Variants in ATG7 observed in about 807,000 individuals in gnomAD.
The protein encoded by ATG7 is autophagy related 7.
ATG7 carries 70 observed loss-of-function variants against 82.4 expected under a neutral mutation model. That is an observed-to-expected ratio of 0.85 (90% CI 0.70 to 1.04). The LOEUF is 1.04. Among genes scored for constraint, ATG7 ranks in the 50% least tolerant of loss-of-function variants. The pLI is 0.00. For synonymous variants in ATG7, 287 were observed against 313.0 expected (o/e 0.92, Z 0.88); for missense variants, 792 against 864.3 (o/e 0.92, Z 1.05).
At position 11,347,898 on chromosome 3, in the gene ATG7, A is replaced by G; in HGVS notation, c.1147A>G (p.Thr383Ala). ...TLMGWGVRHI[T>A]FVDNAKISYS... ...ACAGGGTTGGGGCGTGAGACACATC[A>G]CATTTGTGGACAATGCCAAGATCTC... The change falls in exon 14 of 21, where the codon ACA (threonine) becomes GCA (alanine). Residue 383 changes from threonine (T) to alanine (A), a missense_variant. By Grantham distance (58) the Thr-to-Ala change is moderately conservative. Coordinates refer to ENST00000693202, the MANE Select transcript of ATG7 (RefSeq NM_001349232.2). 1.2e-6 allele frequency: 2 copies of G among 1,614,080 alleles called. No individual in the cohort carries two copies. Among genetic ancestry groups the G allele is most frequent in the South Asian group, 1.1e-5 (1 of 91,064 alleles).
At chr3:11,310,702 G>A (rs895280746) in intron 7 of ATG7, among the ~76,000 whole-genome samples, 10 of 150,658 alleles carry the variant, frequency 6.6e-5, no homozygotes, top group South Asian at 2.1e-4. Context: ...GTGCGATGTC[G>A]GCTCACTGCA....
At chr3:11,407,231 C>G (rs1365763582) in intron 19 of ATG7, among the ~76,000 whole-genome samples, 1 of 152,204 alleles carries the variant, frequency 6.6e-6, no homozygotes, top group Non-Finnish European at 1.5e-5. Context: ...GCAGTCAAAT[C>G]TTAAAGCTCC....
intron 20 of ATG7, among the ~76,000 whole-genome samples, chr3:11,434,012 T>C (rs1490661356): frequency 6.6e-6 from 1 of 152,344 alleles, no homozygotes; most frequent in South Asian, 2.1e-4. Flanking sequence ...ATTTCTCTCA[T>C]AGCCAAAAAG....
chr3:11,503,429 C>T (rs926042475), intron 20 of ATG7, among the ~76,000 whole-genome samples: 6 of 152,042 alleles, frequency 3.9e-5, no homozygotes, highest in Non-Finnish European at 7.4e-5. Context: ...GAAAGAGGTA[C>T]TACATTCATG....
the ATG7 span, among the ~76,000 whole-genome samples, chr3:11,572,839 G>A: frequency 4.2e-4 from 64 of 152,028 alleles, no homozygotes; most frequent in East Asian, 5.2e-3. Context: ...TTTATGGACC[G>A]GCGCCTGGGC....
At chr3:11,401,569 G>A (rs182628590) in intron 19 of ATG7, among the ~76,000 whole-genome samples, 7 of 152,310 alleles carry the variant, frequency 4.6e-5, no homozygotes, top group Admixed American at 3.9e-4. Context: ...TCCACTTCAT[G>A]CTCAGCTTTT....
At chr3:11,561,133 C>T (rs986915321), downstream of ATG7, among the ~76,000 whole-genome samples, 13 of 146,920 alleles carry the variant, frequency 8.8e-5, no homozygotes, top group Admixed American at 1.3e-4. Context: ...AGACCCCCCC[C>T]CAGGGTCCTC....
chr3:11,537,315 T>C (rs920541930), intron 20 of ATG7, among the ~76,000 whole-genome samples: 4 of 152,198 alleles, frequency 2.6e-5, no homozygotes, highest in Admixed American at 1.3e-4. Flanking sequence ...ACCCCATTTT[T>C]TTCCTATATT....
chr3:11,551,212 C>T (rs1478590413), intron 20 of ATG7, among the ~76,000 whole-genome samples: 3 of 152,234 alleles, frequency 2.0e-5, no homozygotes, highest in Admixed American at 2.0e-4. Context: ...CTCTCCTCCT[C>T]GGGGGTTTCA....
chr3:11,393,828 A>T (rs1031678238), intron 19 of ATG7, among the ~76,000 whole-genome samples: 13 of 152,086 alleles, frequency 8.5e-5, no homozygotes, highest in Non-Finnish European at 1.5e-5. Context: ...ATACTGGTGC[A>T]TGCCACCACA....
intron 20 of ATG7, among the ~76,000 whole-genome samples, chr3:11,483,125 A>G (rs2089209789): frequency 6.6e-6 from 1 of 152,148 alleles, no homozygotes; most frequent in African/African-American, 2.4e-5. Flanking sequence ...AGTAGTGGTA[A>G]ATTTAGAAAT....
intron 19 of ATG7, among the ~76,000 whole-genome samples, chr3:11,386,902 C>G (rs193019584): frequency 2.0e-4 from 30 of 152,364 alleles, no homozygotes; most frequent in African/African-American, 6.0e-4. Flanking sequence ...AGCTACAAGC[C>G]TTAACCTCAG....
chr3:11,560,661 C>G (rs550130214), downstream of ATG7, among the ~76,000 whole-genome samples: 1 of 152,266 alleles, frequency 6.6e-6, no homozygotes, highest in East Asian at 1.9e-4. Context: ...GTGCTTGGGT[C>G]TAACAAGAAG....
At chr3:11,333,586 T>C (rs1261888284) in intron 11 of ATG7, among the ~76,000 whole-genome samples, 1 of 151,982 alleles carries the variant, frequency 6.6e-6, no homozygotes, top group Non-Finnish European at 1.5e-5. Context: ...ATTTTATAAA[T>C]TGAGAAACTT....
intron 19 of ATG7, among the ~76,000 whole-genome samples, chr3:11,394,178 A>G (rs939019097): frequency 6.6e-6 from 1 of 152,228 alleles, no homozygotes; most frequent in Non-Finnish European, 1.5e-5. Flanking sequence ...GTTACTACCA[A>G]GAAGAGCTAT....
chr3:11,298,735 C>T lies in ATG7; in HGVS notation c.40C>T (p.Gln14Ter). The change falls in exon 4 of 21, where the codon CAG becomes TAG. Residue 14 changes from glutamine (Q) to a stop codon, truncating the protein, a stop_gained. Transcript: ENST00000693202. LOFTEE classifies it high-confidence loss of function. ...ATGDPGLSKL[Q>*]FAPFSSALDV... is the part of the protein sequence containing the mutation. ...GGGGGATCCTGGACTCTCTAAACTG[C>T]AGTTTGCCCCTTTTAGTAGTGCCTT... The T allele has an allele frequency of 1.2e-6, 2 of 1,614,188 alleles. No individual in the cohort carries two copies. Among genetic ancestry groups the T allele is most frequent in the Non-Finnish European group, 1.7e-6 (2 of 1,180,034 alleles).
intron 20 of ATG7, among the ~76,000 whole-genome samples, chr3:11,494,911 A>G (rs2090692287): frequency 6.6e-6 from 1 of 152,124 alleles, no homozygotes; most frequent in Non-Finnish European, 1.5e-5. Flanking sequence ...GTCTGTACTA[A>G]AAATACAAAA....
At chr3:11,404,125 A>ATTTTTTTTTTTT (rs10591303) in intron 19 of ATG7, among the ~76,000 whole-genome samples, 1 of 76,938 alleles carries the variant, frequency 1.3e-5, no homozygotes, top group Non-Finnish European at 2.3e-5. Context: ...AACCAGCTCA[A>ATTTTTTTTTTTT]TTTTTTTTTT....
chr3:11,382,300 C>T (rs1042723479), intron 19 of ATG7, among the ~76,000 whole-genome samples: 1 of 152,146 alleles, frequency 6.6e-6, no homozygotes, highest in Non-Finnish European at 1.5e-5. Flanking sequence ...AGAGAGAGTG[C>T]GAGCACGCAC....
Sources: allele counts gnomAD v4.1 joint callset (sites outside exome capture counted in the v4.1 genomes callset), GRCh38; gene constraint gnomAD v4.1.1; transcripts MANE v1.5; gene names NCBI Gene and HGNC (gene_info 2026-07-23, HGNC 2026-07-21).